Variants in HNRNPM observed in about 807,000 individuals in gnomAD.
HNRNPM encodes the protein CEA receptor.
Under a neutral mutation model 73.1 loss-of-function variants are expected in HNRNPM, and 11 were observed. The observed-to-expected ratio is 0.15, with a 90% CI of 0.09 to 0.25. HNRNPM has a LOEUF of 0.25. HNRNPM is among the 10% of genes least tolerant of loss of function. HNRNPM has a pLI of 1.00. For missense variants in HNRNPM, 789 were observed against 1,067.9 expected, an observed-to-expected ratio of 0.74 and a Z score of 3.64; for synonymous variants, 407 against 355.2, an observed-to-expected ratio of 1.15 and a Z score of -1.64.
chr19:8,456,500 C>G (rs984561782), intron 2 of HNRNPM, among the ~76,000 whole-genome samples: 2 of 152,170 alleles, frequency 1.3e-5, no homozygotes, highest in African/African-American at 4.8e-5. Flanking sequence ...CTCAAACTAC[C>G]CTTCATGGAG....
In HNRNPM at chr19:8,462,897, G is replaced by GTA. The variant is rs1969492396; in HGVS notation, c.336+316_336+317insTA. On this transcript the variant is annotated intron_variant, in intron 3 of 15. Coordinates refer to ENST00000325495, the MANE Select transcript of HNRNPM (RefSeq NM_005968.5). This position sits in a 1 kb window ranked among gnomAD's most constrained non-coding sequence, Gnocchi z 4.5. ...GAATTATGCATGGAATTTTAGCGGTGGTATAATTAATGTAAAACGTGTGTT... is the reference window on the plus strand; with the variant it reads ...GAATTATGCATGGAATTTTAGCGGTGTAGTATAATTAATGTAAAACGTGTGTT... Among the ~76,000 whole-genome samples the GTA allele has an allele frequency of 6.6e-6, 1 of 152,086 alleles. No individual in the cohort carries two copies. Among genetic ancestry groups the GTA allele is most frequent in the African/African-American group, 2.4e-5 (1 of 41,376 alleles).
In HNRNPM at chr19:8,471,196, C is replaced by T. The variant is rs570328041; in HGVS notation, c.896-130C>T. ...CCGATGTTGAATTTTGCATTGGGCCCTGAGGTCACTGGTGGGTGGGGGTGG... is the reference window on the plus strand; with the variant it reads ...CCGATGTTGAATTTTGCATTGGGCCTTGAGGTCACTGGTGGGTGGGGGTGG... On this transcript the variant is annotated intron_variant, in intron 9 of 15. Transcript: ENST00000325495. 327 of 494,604 alleles carry T rather than the reference C, an allele frequency of 6.6e-4. 1 individual carries two copies. Among genetic ancestry groups the T allele is most frequent in the Middle Eastern group, 1.7e-3 (5 of 2,886 alleles). The allele number at this position is 494,604 out of a possible 1,614,324, so 30.6% of individuals were successfully genotyped here.
chr19:8,455,745 G>GTTTTTTTTTTTTTTTTGTTT (rs34467960), intron 2 of HNRNPM, among the ~76,000 whole-genome samples, 171 bp downstream of exon 2: 1 of 144,118 alleles, frequency 6.9e-6, no homozygotes, highest in Non-Finnish European at 1.5e-5. Context: ...TTTGTTTTGT[G>GTTTTTTTTTTTTTTTTGTTT]TTTTTTTTTT....
At chr19:8,457,777 GGTTA>G (rs1265275464) in intron 2 of HNRNPM, among the ~76,000 whole-genome samples, 6 of 152,252 alleles carry the variant, frequency 3.9e-5, no homozygotes, top group Admixed American at 2.0e-4. Context: ...ATGTTTAAGT[GGTTA>G]GTTTAAATCT....
chr19:8,484,899 C>T (rs1367815707), intron 13 of HNRNPM, among the ~76,000 whole-genome samples: 5 of 152,118 alleles, frequency 3.3e-5, no homozygotes, highest in African/African-American at 7.2e-5. Context: ...GACCCCCAGC[C>T]GCTACCAGAG....
At chr19:8,463,086 C>T (rs138106018) in intron 3 of HNRNPM, among the ~76,000 whole-genome samples, 138 of 152,256 alleles carry the variant, frequency 9.1e-4, no homozygotes, top group Non-Finnish European at 1.4e-3. Context: ...TATTTTCTGT[C>T]GTGCAATAGA....
chr19:8,466,532 G>C (rs1969755156), intron 7 of HNRNPM, 144 bp downstream of exon 7: 2 of 898,370 alleles, frequency 2.2e-6, no homozygotes, highest in Non-Finnish European at 3.5e-6. Context: ...GGAATTAAGA[G>C]GTTCTCTGGG....
chr19:8,481,964 T>C (rs1568297558), intron 12 of HNRNPM, among the ~76,000 whole-genome samples: 2 of 115,680 alleles, frequency 1.7e-5, no homozygotes, highest in African/African-American at 6.1e-5. Context: ...TGTTGTTTGG[T>C]GTCTTTTTTT....
intron 8 of HNRNPM, among the ~76,000 whole-genome samples, chr19:8,468,085 A>T (rs956988185): frequency 6.6e-6 from 1 of 152,208 alleles, no homozygotes; most frequent in African/African-American, 2.4e-5. Context: ...ACTGCATTAG[A>T]TATTTTTCCT....
intron 12 of HNRNPM, among the ~76,000 whole-genome samples, chr19:8,477,295 G>A (rs563328493): frequency 1.1e-3 from 163 of 152,260 alleles, no homozygotes; most frequent in African/African-American, 3.7e-3. Context: ...TAGGAATCAC[G>A]AAAGGCTTAT....
At chr19:8,467,886 G>A (rs1388781147) in intron 8 of HNRNPM, among the ~76,000 whole-genome samples, 1 of 152,086 alleles carries the variant, frequency 6.6e-6, no homozygotes, top group South Asian at 2.1e-4. Flanking sequence ...AAATTAGCCG[G>A]GCGTGGTGGC....
At chr19:8,454,768 C>T (rs1167656677) in intron 1 of HNRNPM, among the ~76,000 whole-genome samples, 3 of 139,990 alleles carry the variant, frequency 2.1e-5, no homozygotes, top group African/African-American at 7.8e-5. Flanking sequence ...TATTTCCATT[C>T]TATGAAGTCT....
At chr19:8,466,547 A>G (rs1042856619) in intron 7 of HNRNPM, among the ~76,000 whole-genome samples, 159 bp downstream of exon 7, 2 of 151,826 alleles carry the variant, frequency 1.3e-5, no homozygotes, top group Non-Finnish European at 2.9e-5. Flanking sequence ...TCTGGGCCGG[A>G]CCGGTCACGG....
chr19:8,460,356 A>G (rs2071334919), intron 2 of HNRNPM, among the ~76,000 whole-genome samples: 1 of 152,186 alleles, frequency 6.6e-6, no homozygotes, highest in East Asian at 1.9e-4. Context: ...CTCTCAGGGT[A>G]GAGGTTGGAA....
chr19:8,473,632 A>C (rs1397346827), intron 10 of HNRNPM, 32 bp from the exon 11 acceptor site: 2 of 1,416,920 alleles, frequency 1.4e-6, no homozygotes, highest in East Asian at 4.6e-5. Context: ...CTTTGACATA[A>C]TTTTAGTTTG....
At chr19:8,480,491 C>A (rs574491505) in intron 12 of HNRNPM, among the ~76,000 whole-genome samples, 2 of 151,758 alleles carry the variant, frequency 1.3e-5, no homozygotes, top group South Asian at 2.1e-4. Flanking sequence ...ATGGTGAAAC[C>A]CCGTCTCTAC....
At chr19:8,487,419 G>A (rs1042808797) in intron 15 of HNRNPM, 2 of 292,848 alleles carry the variant, frequency 6.8e-6, no homozygotes, top group Admixed American at 4.9e-5. Flanking sequence ...AGACGAGGTC[G>A]CTTTCCCCTC....
At chr19:8,446,055 CAGAG>C (rs1287219897) in intron 1 of HNRNPM, among the ~76,000 whole-genome samples, 1 of 152,166 alleles carries the variant, frequency 6.6e-6, no homozygotes, top group Non-Finnish European at 1.5e-5. Context: ...TTAAGAGAGA[CAGAG>C]AGGTTTTGGC....
chr19:8,474,048 A>T, intron 11 of HNRNPM, 119 bp from the exon 12 acceptor site: 1 of 758,714 alleles, frequency 1.3e-6, no homozygotes, highest in Non-Finnish European at 2.1e-6. Context: ...AAAAGCCTTT[A>T]AACTTGGTAA....
Sources: gnomAD v4.1 joint callset for allele counts (sites outside exome capture counted in the v4.1 genomes callset) on GRCh38, gnomAD v4.1.1 for gene constraint, Gnocchi (gnomAD v3.1) non-coding constraint, MANE v1.5 for transcripts, NCBI Gene and HGNC (gene_info 2026-07-23, HGNC 2026-07-21) for gene names.